PRKN: variants seen among roughly 807,000 people sequenced by gnomAD.
PRKN encodes parkin RBR E3 ubiquitin protein ligase.
PRKN carries 56 observed loss-of-function variants against 59.5 expected under a neutral mutation model. The ratio of observed to expected loss-of-function variants is 0.94; its 90% CI spans 0.76 to 1.18. The LOEUF is 1.18. Ranked by LOEUF, PRKN falls within the 50% of genes most tolerant of loss-of-function variation. The pLI is 0.00. For synonymous variants in PRKN, 250 were observed against 222.1 expected, an observed-to-expected ratio of 1.13 and a Z score of -1.12; for missense variants, 657 against 596.4, an observed-to-expected ratio of 1.10 and a Z score of -1.06.
chr6:162,029,129 C>T (rs1353271894), intron 5 of PRKN, among the ~76,000 whole-genome samples: 2 of 152,120 alleles, frequency 1.3e-5, no homozygotes, highest in East Asian at 3.9e-4. Flanking sequence ...TAGTAGCTCC[C>T]AGTTCTCCCT....
intron 9 of PRKN, among the ~76,000 whole-genome samples, chr6:161,406,262 T>C (rs1346295836): frequency 6.6e-6 from 1 of 151,998 alleles, no homozygotes; most frequent in Non-Finnish European, 1.5e-5. Context: ...TGGTTTACAG[T>C]AAAATCTTCC....
intron 7 of PRKN, among the ~76,000 whole-genome samples, chr6:161,620,979 G>A (rs1377791220): frequency 1.3e-5 from 2 of 152,140 alleles, no homozygotes; most frequent in Non-Finnish European, 2.9e-5. Context: ...CTATCCAGGG[G>A]GATTCTGGCA....
At chr6:162,244,456 A>C (rs1779118133) in intron 3 of PRKN, among the ~76,000 whole-genome samples, 1 of 152,120 alleles carries the variant, frequency 6.6e-6, no homozygotes. Context: ...AAATATATAA[A>C]AGGATTATAG....
intron 6 of PRKN, among the ~76,000 whole-genome samples, chr6:161,860,331 G>A (rs1793840138): frequency 6.6e-6 from 1 of 152,160 alleles, no homozygotes; most frequent in African/African-American, 2.4e-5. Context: ...TTGGGTAAGT[G>A]TGTATAAGTT....
At chr6:162,132,980 C>T (rs183837340) in intron 4 of PRKN, among the ~76,000 whole-genome samples, 5 of 152,290 alleles carry the variant, frequency 3.3e-5, no homozygotes, top group South Asian at 2.1e-4. Context: ...GCCACAGCAC[C>T]GTGGCCATTG....
intron 7 of PRKN, among the ~76,000 whole-genome samples, chr6:161,689,415 A>G (rs1785692221): frequency 1.3e-5 from 2 of 152,208 alleles, no homozygotes; most frequent in Non-Finnish European, 1.5e-5. Flanking sequence ...TTTTAGTTAT[A>G]TAATCATTCT....
rs111645323 is a variant in PRKN, at chr6:161,501,094, C to T, written c.1083+47760G>A. ...TTTCACCATATTGCCAGGCTAGTCTCGAACTCCTGACCTCGTGATCTGCCT... is the reference window on the plus strand; with the variant it reads ...TTTCACCATATTGCCAGGCTAGTCTTGAACTCCTGACCTCGTGATCTGCCT... On this transcript the variant is annotated intron_variant, in intron 9 of 11. Coordinates refer to ENST00000366898, the MANE Select transcript of PRKN (RefSeq NM_004562.3). Among the ~76,000 whole-genome samples, 141 of 152,032 alleles carry T rather than the reference C, an allele frequency of 9.3e-4. 3 individuals are homozygous for T. Among genetic ancestry groups the T allele is most frequent in the Non-Finnish European group, 2.2e-4 (15 of 68,000 alleles).
rs140400507 is a variant in PRKN, at chr6:162,161,661, G to A, written c.534+39470C>T. Among the ~76,000 whole-genome samples, 301 of 152,126 alleles carry A rather than the reference G, an allele frequency of 2.0e-3. 1 individual carries two copies. The highest frequency in any genetic ancestry group is 6.8e-3 in the African/African-American group (283 of 41,512). Reference sequence around the variant, plus strand: ...GACATTGAAACTTGAACATGCTCACGGCTGGATGATCCAGAATCACCTGAC... The same window carrying A: ...GACATTGAAACTTGAACATGCTCACAGCTGGATGATCCAGAATCACCTGAC... On this transcript the variant is annotated intron_variant, in intron 4 of 11. Coordinates refer to ENST00000366898, the MANE Select transcript of PRKN (RefSeq NM_004562.3).
At chr6:162,541,873 G>A (rs915377991) in intron 1 of PRKN, among the ~76,000 whole-genome samples, 2 of 151,964 alleles carry the variant, frequency 1.3e-5, no homozygotes, top group African/African-American at 4.8e-5. Context: ...GAGCTTTGCT[G>A]ACATTCAGTG....
At chr6:161,980,823 C>T (rs970772747) in intron 5 of PRKN, among the ~76,000 whole-genome samples, 23 of 152,288 alleles carry the variant, frequency 1.5e-4, no homozygotes, top group Admixed American at 3.3e-4. Context: ...TGCTGCACCA[C>T]CACGAGGTGG....
At chr6:162,620,297 G>C (rs1782611154) in intron 1 of PRKN, among the ~76,000 whole-genome samples, 1 of 152,080 alleles carries the variant, frequency 6.6e-6, no homozygotes, top group South Asian at 2.1e-4. Context: ...CTGCTGCGTA[G>C]ACACTTGATT....
chr6:162,726,598 A>G (rs1405064016), intron 1 of PRKN, among the ~76,000 whole-genome samples: 1 of 152,206 alleles, frequency 6.6e-6, no homozygotes, highest in Non-Finnish European at 1.5e-5. Flanking sequence ...TTTAACAATA[A>G]CTTCACAAAT....
intron 5 of PRKN, among the ~76,000 whole-genome samples, chr6:161,981,629 G>A (rs1295622280): frequency 6.6e-6 from 1 of 152,182 alleles, no homozygotes. Context: ...GGCAAAGCCT[G>A]TTTATCTTGT....
At chr6:161,601,833 C>T (rs749957045) in intron 7 of PRKN, among the ~76,000 whole-genome samples, 2 of 152,120 alleles carry the variant, frequency 1.3e-5, no homozygotes, top group African/African-American at 2.4e-5. Flanking sequence ...CCGCCCACCT[C>T]GGCCTCCCAA....
intron 1 of PRKN, among the ~76,000 whole-genome samples, chr6:162,612,073 G>A (rs1317286964): frequency 6.6e-6 from 1 of 150,590 alleles, no homozygotes; most frequent in Admixed American, 6.6e-5. Flanking sequence ...GGCGCCTGTA[G>A]TCCCAGCTAC....
chr6:162,348,140 G>A (rs1410374713), intron 2 of PRKN, among the ~76,000 whole-genome samples: 1 of 152,138 alleles, frequency 6.6e-6, no homozygotes, highest in African/African-American at 2.4e-5. Flanking sequence ...GACCCACGAG[G>A]GTAAGGAACA....
intron 2 of PRKN, among the ~76,000 whole-genome samples, chr6:162,329,276 G>C (rs569841758): frequency 3.5e-4 from 53 of 152,232 alleles, no homozygotes; most frequent in Non-Finnish European, 6.3e-4. Flanking sequence ...AGCAGTCCTT[G>C]AGCCAAGGTC....
intron 2 of PRKN, among the ~76,000 whole-genome samples, chr6:162,288,360 G>A (rs1042723971): frequency 1.3e-5 from 2 of 152,122 alleles, no homozygotes; most frequent in Admixed American, 1.3e-4. Flanking sequence ...TATGAAGAAT[G>A]CCACCCGTGT....
At chr6:162,365,878 C>A (rs1454783972) in intron 2 of PRKN, among the ~76,000 whole-genome samples, 1 of 152,122 alleles carries the variant, frequency 6.6e-6, no homozygotes, top group East Asian at 1.9e-4. Context: ...TTTATTAGAA[C>A]AATGTCTGCC....
Sources: allele counts gnomAD v4.1 joint callset (sites outside exome capture counted in the v4.1 genomes callset), GRCh38; gene constraint gnomAD v4.1.1; transcripts MANE v1.5; gene names NCBI Gene and HGNC (gene_info 2026-07-23, HGNC 2026-07-21).